The following FGD6 variants were observed in gnomAD, a reference collection of about 807,000 sequenced individuals.
FGD6 encodes FYVE, RhoGEF and PH domain-containing protein 6.
A neutral mutation model predicts 149.4 loss-of-function variants in FGD6; 90 were observed. The observed-to-expected ratio is 0.60, with a 90% CI of 0.51 to 0.72. FGD6 has a LOEUF of 0.72. FGD6 is among the 30% of genes least tolerant of loss of function. The pLI, the probability that FGD6 is intolerant of heterozygous loss-of-function variation, is 0.00. For synonymous variants in FGD6, 527 were observed against 584.0 expected (o/e 0.90, Z 1.41); for missense variants, 1,437 against 1,684.8 (o/e 0.85, Z 2.57).
intron 18 of FGD6, among the ~76,000 whole-genome samples, chr12:95,087,743 T>C (rs973978646): frequency 1.3e-5 from 2 of 152,218 alleles, no homozygotes; most frequent in South Asian, 2.1e-4. Context: ...TTTTAAAGTG[T>C]ATCTTTAATT....
At chr12:95,125,849 T>C (rs1879322493) in intron 8 of FGD6, 2 of 1,060,360 alleles carry the variant, frequency 1.9e-6, no homozygotes, top group African/African-American at 3.1e-5. Flanking sequence ...TCATAGATGT[T>C]ATTGATCAGA....
At chr12:95,187,663 C>A (rs57861576) in intron 2 of FGD6, among the ~76,000 whole-genome samples, 33,256 of 136,758 alleles carry the variant, frequency 0.24, 4,123 homozygotes, top group African/African-American at 0.35. Flanking sequence ...AAAAAAAAAA[C>A]AAAAAAAAAA....
chr12:95,179,679 GTCAT>G (rs1020586676), intron 2 of FGD6, among the ~76,000 whole-genome samples: 1 of 151,932 alleles, frequency 6.6e-6, no homozygotes, highest in Non-Finnish European at 1.5e-5. Flanking sequence ...TGGCTTTAAA[GTCAT>G]TCATTAAGAT....
At chr12:95,190,803 C>T (rs927551989) in intron 2 of FGD6, among the ~76,000 whole-genome samples, 1 of 152,118 alleles carries the variant, frequency 6.6e-6, no homozygotes, top group Non-Finnish European at 1.5e-5. Context: ...GTAACCCCAG[C>T]ACTTTGCGAG....
intron 5 of FGD6, among the ~76,000 whole-genome samples, chr12:95,142,406 G>T (rs1259376464): frequency 6.6e-6 from 1 of 151,982 alleles, no homozygotes; most frequent in Non-Finnish European, 1.5e-5. Context: ...GCCTCCCAAA[G>T]TGCTGGGATT....
chr12:95,210,286 G>C lies in FGD6; in HGVS notation c.998C>G (p.Thr333Ser), dbSNP rs1490959208. The C allele has an allele frequency of 1.9e-6, 3 of 1,613,754 alleles. No individual in the cohort carries two copies. The highest frequency in any genetic ancestry group is 8.5e-7 in the Non-Finnish European group (1 of 1,179,934). Reference sequence around the variant, plus strand: ...CGGTTCTTCAGTGCTTTCACTAGGAGTATCTACACACTTTTGGCGTAACAG... The same window carrying C: ...CGGTTCTTCAGTGCTTTCACTAGGACTATCTACACACTTTTGGCGTAACAG... The part of the protein sequence containing the change: ...ARLLRQKCVD[T>S]PSESTEEPGN... The change falls in exon 2 of 21, where the codon ACT (threonine) becomes AGT (serine). Residue 333 changes from threonine (T) to serine (S), a missense_variant. Physicochemically the swap from Thr to Ser is moderately conservative, Grantham distance 58 (BLOSUM62 1). This residue lies in a region of FGD6 where 1,055 missense variants were observed against 1,146.0 expected (regional missense o/e 0.92). Coordinates refer to ENST00000343958, the MANE Select transcript of FGD6 (RefSeq NM_018351.4).
intron 3 of FGD6, among the ~76,000 whole-genome samples, chr12:95,171,060 C>T (rs2136282811): frequency 6.6e-6 from 1 of 152,252 alleles, no homozygotes; most frequent in Non-Finnish European, 1.5e-5. Flanking sequence ...CTAATGCTTT[C>T]CATGTATCAG....
At chr12:95,092,474 A>T (rs1377467279) in intron 16 of FGD6, among the ~76,000 whole-genome samples, 1 of 152,172 alleles carries the variant, frequency 6.6e-6, no homozygotes, top group Non-Finnish European at 1.5e-5. Flanking sequence ...TGATGTTCTA[A>T]TGTAACTCTG....
intron 3 of FGD6, among the ~76,000 whole-genome samples, chr12:95,157,082 C>T (rs974135535): frequency 6.6e-6 from 1 of 152,146 alleles, no homozygotes; most frequent in African/African-American, 2.4e-5. Context: ...CAAATCCAAA[C>T]ATTCTGAAAT....
At chr12:95,132,977 G>A (rs1315798866) in intron 8 of FGD6, among the ~76,000 whole-genome samples, 1 of 152,192 alleles carries the variant, frequency 6.6e-6, no homozygotes, top group Non-Finnish European at 1.5e-5. Context: ...CACAACATGT[G>A]TATCAGTACT....
At chr12:95,082,920 G>T (rs1289390764) in intron 20 of FGD6, among the ~76,000 whole-genome samples, 1 of 141,904 alleles carries the variant, frequency 7.0e-6, no homozygotes, top group Non-Finnish European at 1.5e-5. Flanking sequence ...GCTGAGATAG[G>T]TGGACTGCTT....
chr12:95,166,854 C>T (rs1338748174), intron 3 of FGD6, among the ~76,000 whole-genome samples: 1 of 107,814 alleles, frequency 9.3e-6, no homozygotes. Context: ...GTTCTTTCTA[C>T]TTTTTTTTTT....
At position 95,210,129 on chromosome 12, in the gene FGD6, T is replaced by C; in HGVS notation, c.1155A>G (p.Glu385=). 6.2e-7 allele frequency: 1 copy of C among 1,614,140 alleles called. No individual in the cohort carries two copies. The highest frequency in any genetic ancestry group is 8.5e-7 in the Non-Finnish European group (1 of 1,180,018). The change falls in exon 2 of 21, where the codon GAA becomes GAG. Residue 385 remains glutamate (E), a synonymous_variant. Coordinates refer to ENST00000343958, the MANE Select transcript of FGD6 (RefSeq NM_018351.4). ...CATCACTGTTGGATTCCATATTCAA[T>C]TCACTTTTATTTCCTAGCTTCATTT... ...VDKMKLGNKS[E]LNMESNSDAQ... is the part of the protein sequence containing the mutation.
intron 5 of FGD6, among the ~76,000 whole-genome samples, chr12:95,148,280 T>C (rs1263991771): frequency 2.5e-5 from 1 of 40,808 alleles, no homozygotes; most frequent in Non-Finnish European, 3.8e-5. Context: ...CCTTTTACAA[T>C]GCAAAAAAAA....
At chr12:95,086,805 C>T (rs1018226029) in intron 18 of FGD6, among the ~76,000 whole-genome samples, 2 of 149,796 alleles carry the variant, frequency 1.3e-5, no homozygotes, top group African/African-American at 2.5e-5. Context: ...CTTGGCCTCC[C>T]AAAGTGCTGG....
rs142629755 is a variant in FGD6, at chr12:95,129,970, A to G, written c.3082+4769T>C. 2.2e-4 allele frequency among the ~76,000 whole-genome samples: 34 copies of G among 152,266 alleles called. No individual in the cohort carries two copies. The East Asian group carries it at 6.4e-3, about 29-fold the overall frequency. On this transcript the variant is annotated intron_variant, in intron 8 of 20. Transcript: ENST00000343958. ...ATTACAGGCGTGAGCCATCATGCCC[A>G]GCCAAAATTTATAAATATTTAGGCT...
chr12:95,204,510 A>C (rs2056683571), intron 2 of FGD6, among the ~76,000 whole-genome samples: 1 of 151,430 alleles, frequency 6.6e-6, no homozygotes, highest in East Asian at 1.9e-4. Flanking sequence ...CCCCCTTATC[A>C]CTCCTGACGA....
intron 2 of FGD6, among the ~76,000 whole-genome samples, chr12:95,200,177 C>CA (rs56768916): frequency 2.0e-5 from 3 of 151,624 alleles, no homozygotes; most frequent in South Asian, 2.1e-4. Flanking sequence ...TAAATGTTAT[C>CA]AAAAAAAACT....
chr12:95,163,666 C>T (rs1378846959), intron 3 of FGD6, among the ~76,000 whole-genome samples: 4 of 152,074 alleles, frequency 2.6e-5, no homozygotes, highest in Admixed American at 6.5e-5. Context: ...AATGCAAACT[C>T]GAATGAACTA....
Sources: gnomAD v4.1 joint callset for allele counts (sites outside exome capture counted in the v4.1 genomes callset) on GRCh38, gnomAD v4.1.1 for gene constraint, gnomAD v4.1.1 regional missense constraint, MANE v1.5 for transcripts, NCBI Gene and HGNC (gene_info 2026-07-23, HGNC 2026-07-21) for gene names.